The following DNAH6 variants were observed in gnomAD, a reference collection of about 807,000 sequenced individuals.
DNAH6 encodes dynein axonemal heavy chain 6, also known as axonemal beta dynein heavy chain 6.
A neutral mutation model predicts 491.4 loss-of-function variants in DNAH6; 340 were observed. The observed-to-expected ratio is 0.69, with a 90% CI of 0.63 to 0.76. The LOEUF (loss-of-function observed/expected upper bound fraction) is 0.76. Among genes scored for constraint, DNAH6 ranks in the 30% least tolerant of loss-of-function variants. DNAH6 has a pLI of 0.00. For synonymous variants in DNAH6, 1,603 were observed against 1,686.1 expected (o/e 0.95, Z 1.21); for missense variants, 4,443 against 4,972.2 (o/e 0.89, Z 3.20).
In DNAH6 at chr2:84,635,293, A is replaced by G. The variant is rs571424152; in HGVS notation, c.4653+652A>G. On this transcript the variant is annotated intron_variant, in intron 30 of 76. Coordinates refer to ENST00000389394, the MANE Select transcript of DNAH6 (RefSeq NM_001370.2). ...AGTGAGCTACTAAATTGTGTAAGTC[A>G]TTATGGTATGTGCTCACACTTATTT... Among the ~76,000 whole-genome samples, 5 of 152,354 alleles carry G rather than the reference A, an allele frequency of 3.3e-5. No individual in the cohort carries two copies. The South Asian group carries it at 1.0e-3, about 32-fold the overall frequency.
At chr2:84,519,865 G>T (rs1456553251) in intron 2 of DNAH6, among the ~76,000 whole-genome samples, 2 of 150,882 alleles carry the variant, frequency 1.3e-5, no homozygotes, top group African/African-American at 4.9e-5. Context: ...TTGTAATTTT[G>T]TAATTTTACA....
the DNAH6 span, among the ~76,000 whole-genome samples, chr2:84,501,000 A>G: frequency 2.6e-5 from 4 of 152,130 alleles, no homozygotes; most frequent in Non-Finnish European, 5.9e-5. Flanking sequence ...TTCCTTTCCA[A>G]TTTGGATGTC....
the DNAH6 span, among the ~76,000 whole-genome samples, chr2:84,475,659 TA>T: frequency 6.6e-6 from 1 of 152,176 alleles, no homozygotes; most frequent in Non-Finnish European, 1.5e-5. Flanking sequence ...TATATTCAGT[TA>T]AATGAGTCTT....
At chr2:84,763,533 A>G (rs12471680) in intron 64 of DNAH6, among the ~76,000 whole-genome samples, 20,953 of 152,046 alleles carry the variant, frequency 0.14, 1,606 homozygotes, top group African/African-American at 0.21. Context: ...AGACCACACA[A>G]TGGCAGAGGA....
rs138292033 is a variant in DNAH6, at chr2:84,749,245, A to G, written c.10512+3996A>G. Among the ~76,000 whole-genome samples the G allele has an allele frequency of 4.6e-3, 695 of 152,360 alleles. 2 individuals carry two copies. The highest frequency in any genetic ancestry group is 8.3e-3 in the South Asian group (40 of 4,826). ...GTTGACCTTAAATACAGATGATTATAATAAAAGAATAGAGAATGCAAGACC... is the reference window on the plus strand; with the variant it reads ...GTTGACCTTAAATACAGATGATTATGATAAAAGAATAGAGAATGCAAGACC... On this transcript the variant is annotated intron_variant, in intron 63 of 76. Coordinates refer to ENST00000389394, the MANE Select transcript of DNAH6 (RefSeq NM_001370.2).
intron 62 of DNAH6, among the ~76,000 whole-genome samples, chr2:84,743,627 G>T (rs1322549885): frequency 6.6e-6 from 1 of 152,110 alleles, no homozygotes; most frequent in South Asian, 2.1e-4. Context: ...TTGGAGACCA[G>T]CCTGGCCAAC....
chr2:84,730,314 A>G (rs1699018804), intron 61 of DNAH6, among the ~76,000 whole-genome samples: 1 of 152,242 alleles, frequency 6.6e-6, no homozygotes, highest in African/African-American at 2.4e-5. Flanking sequence ...GAACCAATAC[A>G]CAAAGCCTCA....
intron 64 of DNAH6, among the ~76,000 whole-genome samples, chr2:84,764,547 A>G (rs1674894153): frequency 6.6e-6 from 1 of 152,210 alleles, no homozygotes; most frequent in Non-Finnish European, 1.5e-5. Flanking sequence ...AGTATATATT[A>G]AAGTCGGAGG....
At chr2:84,495,759 T>C in the DNAH6 span, among the ~76,000 whole-genome samples, 2 of 152,144 alleles carry the variant, frequency 1.3e-5, no homozygotes, top group Non-Finnish European at 2.9e-5. Context: ...GAATACGATA[T>C]CACAAACCCC....
chr2:84,520,149 G>A (rs1173388047), intron 2 of DNAH6, among the ~76,000 whole-genome samples: 4 of 151,784 alleles, frequency 2.6e-5, no homozygotes, highest in African/African-American at 9.7e-5. Flanking sequence ...TGGTGTTGTG[G>A]AGTTGATGAA....
chr2:84,722,835 A>G (rs1393949552), intron 60 of DNAH6, 31 bp downstream of exon 60: 1 of 1,319,450 alleles, frequency 7.6e-7, no homozygotes, highest in Non-Finnish European at 1.0e-6. Flanking sequence ...AATGACAGTC[A>G]TCTCTTTGGC....
At chr2:84,494,070 A>G in the DNAH6 span, among the ~76,000 whole-genome samples, 1 of 152,182 alleles carries the variant, frequency 6.6e-6, no homozygotes, top group Non-Finnish European at 1.5e-5. Flanking sequence ...TGCGTTTTGC[A>G]GGTTTTCCCT....
At chr2:84,688,705 C>A in intron 45 of DNAH6, 112 bp downstream of exon 45, 1 of 762,280 alleles carries the variant, frequency 1.3e-6, no homozygotes, top group Non-Finnish European at 2.0e-6. Context: ...GGTCAGAGGT[C>A]TTTTATTAAC....
chr2:84,674,944 C>T (rs1693089538), intron 40 of DNAH6, among the ~76,000 whole-genome samples: 1 of 152,164 alleles, frequency 6.6e-6, no homozygotes, highest in South Asian at 2.1e-4. Flanking sequence ...CCCCACAGTC[C>T]CACTGAGGCA....
chr2:84,673,751 C>T (rs1918697), intron 40 of DNAH6, among the ~76,000 whole-genome samples: 116,358 of 152,092 alleles, frequency 0.77, 46,699 homozygotes, highest in East Asian at 0.93. Context: ...AGGCCACTCT[C>T]TTTTCACACT....
At chr2:84,747,677 G>A (rs957077196) in intron 63 of DNAH6, among the ~76,000 whole-genome samples, 2 of 152,116 alleles carry the variant, frequency 1.3e-5, no homozygotes, top group East Asian at 1.9e-4. Context: ...TCTGTGTGGG[G>A]GCTCTAACCC....
At chr2:84,704,847 A>G (rs967587360) in intron 51 of DNAH6, among the ~76,000 whole-genome samples, 1 of 152,186 alleles carries the variant, frequency 6.6e-6, no homozygotes, top group Non-Finnish European at 1.5e-5. Flanking sequence ...ATTATGTTGT[A>G]ATGAACCTTT....
chr2:84,561,660 T>C (rs1261745272), intron 11 of DNAH6, among the ~76,000 whole-genome samples: 1 of 151,956 alleles, frequency 6.6e-6, no homozygotes, highest in African/African-American at 2.4e-5. Context: ...AGGGCTAATA[T>C]CCAGAATCTA....
Position 84,796,401 on chromosome 2 carries a change from G to C in DNAH6, c.11335G>C (p.Glu3779Gln), listed in dbSNP as rs1256650517. 6.5e-7 allele frequency: 1 copy of C among 1,528,232 alleles called. No homozygotes were observed. The highest frequency in any genetic ancestry group is 1.4e-5 in the African/African-American group (1 of 72,306). 94.7% of individuals were successfully genotyped at this position (1,528,232 alleles called of 1,614,324 possible). ...ATTTTTTTCTCCTGAAACATTAGAAGAAGATTATAAATACTCTGAATCAGG... is the reference window on the plus strand; with the variant it reads ...ATTTTTTTCTCCTGAAACATTAGAACAAGATTATAAATACTCTGAATCAGG... The part of the protein sequence containing the change: ...KRFFSPETLE[E>Q]DYKYSESGIY... Residue 3779 changes from glutamate to glutamine, a missense_variant, in exon 69 of 77, where the codon GAA becomes CAA. By Grantham distance (29) the Glu-to-Gln change is conservative. Around this residue, in one of 3 missense-constraint regions of DNAH6, gnomAD observed 1,463 missense variants for 1,656.6 expected, o/e 0.88. Coordinates refer to ENST00000389394, the MANE Select transcript of DNAH6 (RefSeq NM_001370.2).
Sources: allele counts gnomAD v4.1 joint callset (sites outside exome capture counted in the v4.1 genomes callset), GRCh38; gene constraint gnomAD v4.1.1; regional missense constraint gnomAD v4.1.1; transcripts MANE v1.5; gene names NCBI Gene and HGNC (gene_info 2026-07-23, HGNC 2026-07-21).